Variants in RAPGEF4 observed in about 807,000 individuals in gnomAD.
RAPGEF4 encodes the protein Rap guanine nucleotide exchange factor 4, also known as RAP guanine-nucleotide-exchange factor (GEF) 4.
Under a neutral mutation model 147.9 loss-of-function variants are expected in RAPGEF4, and 66 were observed. The observed-to-expected ratio is 0.45, with a 90% confidence interval of 0.37 to 0.55. The LOEUF (loss-of-function observed/expected upper bound fraction) is 0.55, where lower values mean the gene tolerates loss of function less well. RAPGEF4 is among the 20% of genes least tolerant of loss of function. RAPGEF4 has a pLI of 0.00. For missense variants in RAPGEF4, 1,071 were observed against 1,257.3 expected (o/e 0.85, Z 2.24); for synonymous variants, 419 against 442.7 (o/e 0.95, Z 0.67).
At chr2:172,997,580 A>G (rs1693493886) in intron 16 of RAPGEF4, among the ~76,000 whole-genome samples, 1 of 152,196 alleles carries the variant, frequency 6.6e-6, no homozygotes, top group Non-Finnish European at 1.5e-5. Context: ...GTTCAGAGTT[A>G]TAAAATTGTG....
intron 6 of RAPGEF4, among the ~76,000 whole-genome samples, chr2:172,935,381 T>C (rs1481547733): frequency 6.6e-6 from 1 of 152,108 alleles, no homozygotes; most frequent in Non-Finnish European, 1.5e-5. Context: ...ATGGCTCCCC[T>C]ATCCCCACTC....
intron 4 of RAPGEF4, among the ~76,000 whole-genome samples, chr2:172,887,627 A>G (rs1697390754): frequency 6.6e-6 from 1 of 152,214 alleles, no homozygotes; most frequent in South Asian, 2.1e-4. Flanking sequence ...CCAATACTGT[A>G]TGGGCTACAA....
At chr2:172,995,315 T>C (rs1438514709) in intron 15 of RAPGEF4, among the ~76,000 whole-genome samples, 2 of 151,372 alleles carry the variant, frequency 1.3e-5, no homozygotes, top group Non-Finnish European at 2.9e-5. Context: ...GGAGTCTTGC[T>C]GTCACCCAGG....
At chr2:172,747,610 CACCT>C (rs1694898035) in intron 1 of RAPGEF4, among the ~76,000 whole-genome samples, 1 of 152,138 alleles carries the variant, frequency 6.6e-6, no homozygotes, top group Admixed American at 6.5e-5. Flanking sequence ...GGACTATAGG[CACCT>C]ACCACCATGC....
At chr2:172,773,453 A>G (rs894469968) in intron 1 of RAPGEF4, among the ~76,000 whole-genome samples, 2 of 152,182 alleles carry the variant, frequency 1.3e-5, no homozygotes, top group Non-Finnish European at 2.9e-5. Flanking sequence ...TGCTGCTAAC[A>G]TGTACCCTTT....
Position 172,814,314 on chromosome 2 carries a change from G to A in RAPGEF4, c.333G>A (p.Thr111=), listed in dbSNP as rs963385141. The A allele has an allele frequency of 5.0e-6, 8 of 1,614,036 alleles. No homozygotes were observed. The highest frequency in any genetic ancestry group is 1.6e-4 in the Middle Eastern group (1 of 6,082). Reference sequence around the variant, plus strand: ...CCATCTGTACCCTGGGAATTGGGACGGCCTTTGGAGAGTCCATTCTGGACA... The same window carrying A: ...CCATCTGTACCCTGGGAATTGGGACAGCCTTTGGAGAGTCCATTCTGGACA... The part of the protein sequence containing the change: ...AVTICTLGIG[T]AFGESILDNT... The change falls in exon 4 of 31, where the codon ACG becomes ACA. Residue 111 remains threonine, a synonymous_variant. Transcript: ENST00000397081.
intron 4 of RAPGEF4, among the ~76,000 whole-genome samples, chr2:172,881,520 A>T (rs1034226627): frequency 6.6e-6 from 1 of 152,228 alleles, no homozygotes; most frequent in African/African-American, 2.4e-5. Context: ...AATGCCATGG[A>T]CTGAGCTAGA....
intron 4 of RAPGEF4, among the ~76,000 whole-genome samples, chr2:172,820,715 A>C (rs773822588): frequency 1.3e-4 from 20 of 152,258 alleles, no homozygotes; most frequent in Non-Finnish European, 4.4e-5. Flanking sequence ...TTCTGTCTTA[A>C]GAAAAGAAAG....
chr2:172,746,638 A>G (rs1694799781), intron 1 of RAPGEF4, among the ~76,000 whole-genome samples: 1 of 151,178 alleles, frequency 6.6e-6, no homozygotes, highest in African/African-American at 2.4e-5. Flanking sequence ...TTTGAGACAG[A>G]GTCTTACTCT....
In RAPGEF4 at chr2:173,026,642, A is replaced by T; in HGVS notation, c.2324A>T (p.Asp775Val). ...ACTTTTGAACTGATGAGCTCCAAAG[A>T]TTTAGCATACCAGATGACAATTTAT... ...VGTFELMSSK[D>V]LAYQMTIYDW... is the part of the protein sequence containing the mutation. Residue 775 changes from aspartate to valine, a missense_variant, in exon 24 of 31, where the codon GAT becomes GTT. Physicochemically the swap from Asp to Val is radical, Grantham distance 152. Coordinates refer to ENST00000397081, the MANE Select transcript of RAPGEF4 (RefSeq NM_007023.4). The T allele has an allele frequency of 1.2e-6, 2 of 1,614,062 alleles. No homozygotes were observed. Among genetic ancestry groups the T allele is most frequent in the Non-Finnish European group, 1.7e-6 (2 of 1,179,926 alleles).
intron 6 of RAPGEF4, among the ~76,000 whole-genome samples, chr2:172,928,860 C>G (rs974690086): frequency 6.6e-5 from 10 of 152,170 alleles, no homozygotes; most frequent in Non-Finnish European, 1.0e-4. Context: ...TGGCCAACAG[C>G]TTCTTCTTGC....
chr2:172,798,817 A>C (rs957905388), intron 3 of RAPGEF4, among the ~76,000 whole-genome samples: 28 of 152,206 alleles, frequency 1.8e-4, no homozygotes, highest in African/African-American at 5.5e-4. Context: ...TTTGCGATGT[A>C]GTTTCCTGGG....
intron 4 of RAPGEF4, among the ~76,000 whole-genome samples, chr2:172,835,371 A>G (rs534028192): frequency 7.2e-5 from 11 of 152,334 alleles, no homozygotes; most frequent in Non-Finnish European, 1.6e-4. Flanking sequence ...CATTATTTCT[A>G]AACTGTTGAC....
At chr2:173,037,843 T>G (rs542166626) in intron 29 of RAPGEF4, among the ~76,000 whole-genome samples, 1 of 152,294 alleles carries the variant, frequency 6.6e-6, no homozygotes, top group East Asian at 1.9e-4. Flanking sequence ...AGCCCATCTA[T>G]CTCTGGATTA....
At chr2:172,914,642 T>TAGAA (rs147950162) in intron 4 of RAPGEF4, among the ~76,000 whole-genome samples, 1 of 150,934 alleles carries the variant, frequency 6.6e-6, no homozygotes, top group African/African-American at 2.4e-5. Flanking sequence ...GAAAGAAATA[T>TAGAA]AGAAAGAAAG....
intron 4 of RAPGEF4, among the ~76,000 whole-genome samples, chr2:172,879,160 T>C (rs1696318398): frequency 6.6e-6 from 1 of 152,172 alleles, no homozygotes; most frequent in Non-Finnish European, 1.5e-5. Flanking sequence ...AAACTCTAAA[T>C]GTCCATCAGT....
chr2:172,917,735 A>G (rs920746816), intron 4 of RAPGEF4, 67 bp from the exon 5 acceptor site: 8 of 1,386,090 alleles, frequency 5.8e-6, no homozygotes, highest in Non-Finnish European at 7.2e-6. Context: ...GCTTTTTAAC[A>G]TGTAAATAAA....
intron 1 of RAPGEF4, among the ~76,000 whole-genome samples, chr2:172,751,394 T>C (rs533609339): frequency 2.6e-4 from 39 of 152,320 alleles, no homozygotes; most frequent in African/African-American, 8.7e-4. Context: ...TGCCAGATGC[T>C]GTTCTAGCTG....
intron 10 of RAPGEF4, among the ~76,000 whole-genome samples, chr2:172,977,291 C>T (rs1691175069): frequency 6.6e-6 from 1 of 151,878 alleles, no homozygotes; most frequent in Non-Finnish European, 1.5e-5. Context: ...CATTTTTTTT[C>T]CCCTGTCACC....
Sources: gnomAD v4.1 joint callset for allele counts (sites outside exome capture counted in the v4.1 genomes callset) on GRCh38, gnomAD v4.1.1 for gene constraint, MANE v1.5 for transcripts, NCBI Gene and HGNC (gene_info 2026-07-23, HGNC 2026-07-21) for gene names.